AASS: variants seen among roughly 807,000 people sequenced by gnomAD.
The protein encoded by AASS is aminoadipate-semialdehyde synthase, also known as alpha-aminoadipic semialdehyde synthase, mitochondrial.
A neutral mutation model predicts 105.4 loss-of-function variants in AASS; 86 were observed. The observed-to-expected ratio is 0.82, with a 90% CI of 0.69 to 0.98. The LOEUF (loss-of-function observed/expected upper bound fraction) is 0.98, where lower values mean the gene tolerates loss of function less well. Ranked by LOEUF, AASS falls within the 50% of genes least tolerant of loss-of-function variation. AASS has a pLI of 0.00. For synonymous variants in AASS, 381 were observed against 394.8 expected (o/e 0.96, Z 0.41); for missense variants, 1,048 against 1,143.2 (o/e 0.92, Z 1.20).
chr7:122,143,198 GA>G (rs1328089266), intron 1 of AASS, among the ~76,000 whole-genome samples: 2 of 151,998 alleles, frequency 1.3e-5, no homozygotes, highest in African/African-American at 4.8e-5. Flanking sequence ...TTCAGTCAAG[GA>G]CCATTCCGTC....
intron 19 of AASS, among the ~76,000 whole-genome samples, chr7:122,081,979 C>T (rs1793353014): frequency 6.6e-6 from 1 of 152,236 alleles, no homozygotes; most frequent in South Asian, 2.1e-4. Flanking sequence ...GTGTTATATG[C>T]TGTCAGCTCA....
chr7:122,137,523 G>A (rs1281166590), intron 1 of AASS, among the ~76,000 whole-genome samples: 1 of 151,998 alleles, frequency 6.6e-6, no homozygotes, highest in Non-Finnish European at 1.5e-5. Context: ...AATCATTCCT[G>A]AGTACCTGCC....
At chr7:122,108,746 C>T (rs1366627932) in intron 11 of AASS, among the ~76,000 whole-genome samples, 1 of 151,894 alleles carries the variant, frequency 6.6e-6, no homozygotes, top group Non-Finnish European at 1.5e-5. Context: ...AAAGCTTTTT[C>T]TCTAAGATAT....
Position 122,091,709 on chromosome 7 carries a change from A to G in AASS, c.2010T>C (p.Asp670=). The change falls in exon 18 of 24, where the codon GAT becomes GAC. Residue 670 remains aspartate, a synonymous_variant. Transcript: ENST00000417368. ...CTTGGATAAGATTCCTCACCTTTCCATCGAGCAGATAGGTGGCAGACTGCA... is the reference window on the plus strand; with the variant it reads ...CTTGGATAAGATTCCTCACCTTTCCGTCGAGCAGATAGGTGGCAGACTGCA... The part of the protein sequence containing the change: ...NVMQSATYLL[D]GKVVNVAGGI... The G allele has an allele frequency of 6.8e-6, 11 of 1,613,424 alleles. No individual in the cohort carries two copies. The highest frequency in any genetic ancestry group is 9.3e-6 in the Non-Finnish European group (11 of 1,179,586).
intron 4 of AASS, among the ~76,000 whole-genome samples, chr7:122,125,166 C>T (rs538643248): frequency 1.3e-5 from 2 of 152,154 alleles, no homozygotes; most frequent in East Asian, 3.9e-4. Context: ...ATGATCCGCC[C>T]GCCTCAGCCT....
At chr7:122,077,744 G>T in intron 23 of AASS, 94 bp downstream of exon 23, 1 of 1,465,512 alleles carries the variant, frequency 6.8e-7, no homozygotes. Flanking sequence ...GTAAATGCCT[G>T]TGTTACGCTC....
In AASS at chr7:122,118,289, A is replaced by G; in HGVS notation, c.687+18T>C. 6.2e-7 allele frequency: 1 copy of G among 1,613,504 alleles called. No individual in the cohort carries two copies. Among genetic ancestry groups the G allele is most frequent in the South Asian group, 1.1e-5 (1 of 91,082 alleles). On this transcript the variant is annotated intron_variant, in intron 6 of 23. Coordinates refer to ENST00000417368, the MANE Select transcript of AASS (RefSeq NM_005763.4). The stretch of plus-strand genomic sequence containing the variant: ...AAGTTTTGGATTGTTTTACAAAAGG[A>G]AGTCAGGTAAAAGTTACCTTAGAAA...
At chr7:122,085,686 G>A (rs1006596369) in intron 19 of AASS, among the ~76,000 whole-genome samples, 1 of 152,044 alleles carries the variant, frequency 6.6e-6, no homozygotes, top group Non-Finnish European at 1.5e-5. Context: ...CCACCACTCT[G>A]CCATCGCACA....
intron 11 of AASS, among the ~76,000 whole-genome samples, chr7:122,105,970 C>T (rs1356191361): frequency 6.6e-6 from 1 of 151,730 alleles, no homozygotes; most frequent in East Asian, 1.9e-4. Context: ...ATCAACAAAC[C>T]CTGTGTCTGC....
At chr7:122,129,775 ATGTT>A (rs1795827280) in intron 2 of AASS, among the ~76,000 whole-genome samples, 1 of 152,060 alleles carries the variant, frequency 6.6e-6, no homozygotes, top group Non-Finnish European at 1.5e-5. Flanking sequence ...ATATATATGT[ATGTT>A]TAAGAAGAGT....
chr7:122,078,263 A>G (rs1286210574), intron 22 of AASS, among the ~76,000 whole-genome samples: 2 of 152,132 alleles, frequency 1.3e-5, no homozygotes, highest in Non-Finnish European at 2.9e-5. Flanking sequence ...GCGCTGCTAT[A>G]GAGGCCTTTT....
In AASS at chr7:122,101,376, C is replaced by T. The variant is rs1794424804; in HGVS notation, c.1401G>A (p.Glu467=). ...AGGATTTGAACAATACTTACCTGCTCTCCCGGAGTGTCTGGATATATTTAT... is the reference window on the plus strand; with the variant it reads ...AGGATTTGAACAATACTTACCTGCTTTCCCGGAGTGTCTGGATATATTTAT... ...DKYKYIQTLR[E]SRERAQSLSM... is the part of the protein sequence containing the mutation. The change falls in exon 13 of 24, where the codon GAG becomes GAA. Residue 467 remains glutamate (E), a synonymous_variant. Transcript: ENST00000417368. The T allele has an allele frequency of 6.2e-7, 1 of 1,606,900 alleles. No individual in the cohort carries two copies. Among genetic ancestry groups the T allele is most frequent in the East Asian group, 2.2e-5 (1 of 44,746 alleles).
At chr7:122,118,684 G>T in intron 4 of AASS, 54 bp from the exon 5 acceptor site, 1 of 1,562,866 alleles carries the variant, frequency 6.4e-7, no homozygotes. Context: ...AATTTAAGCT[G>T]TTCTCTCTGC....
At chr7:122,080,385 G>A (rs1793253564) in intron 20 of AASS, among the ~76,000 whole-genome samples, 2 of 152,068 alleles carry the variant, frequency 1.3e-5, no homozygotes, top group African/African-American at 4.8e-5. Flanking sequence ...GAACTGAGTG[G>A]TACTGACAGA....
At chr7:122,126,245 A>G in intron 4 of AASS, 130 bp downstream of exon 4, 1 of 818,904 alleles carries the variant, frequency 1.2e-6, no homozygotes, top group Middle Eastern at 2.2e-4. Flanking sequence ...ATCATCCTTC[A>G]GCATACCTTC....
intron 13 of AASS, among the ~76,000 whole-genome samples, chr7:122,100,295 TAA>T (rs1794367050): frequency 6.6e-6 from 1 of 151,728 alleles, no homozygotes; most frequent in Admixed American, 6.6e-5. Flanking sequence ...TTCAGTAGTG[TAA>T]AAGACCATCG....
intron 8 of AASS, among the ~76,000 whole-genome samples, chr7:122,115,595 C>A (rs980211875): frequency 1.3e-5 from 2 of 152,080 alleles, no homozygotes; most frequent in African/African-American, 4.8e-5. Flanking sequence ...CCTCAACTTC[C>A]CTGGGCTCTA....
intron 15 of AASS, among the ~76,000 whole-genome samples, chr7:122,094,807 G>A (rs922084344): frequency 6.6e-6 from 1 of 151,854 alleles, no homozygotes; most frequent in Non-Finnish European, 1.5e-5. Context: ...TCAACACCAT[G>A]AAAGCCTATC....
chr7:122,131,093 G>A (rs1233866595), intron 2 of AASS, among the ~76,000 whole-genome samples: 1 of 151,256 alleles, frequency 6.6e-6, no homozygotes, highest in Non-Finnish European at 1.5e-5. Context: ...TCTTTGGGGT[G>A]GGTGAGAATT....
Sources: gnomAD v4.1 joint callset for allele counts (sites outside exome capture counted in the v4.1 genomes callset) on GRCh38, gnomAD v4.1.1 for gene constraint, MANE v1.5 for transcripts, NCBI Gene and HGNC (gene_info 2026-07-23, HGNC 2026-07-21) for gene names.